TECPR2: variants seen among roughly 807,000 people sequenced by gnomAD.
The protein encoded by TECPR2 is tectonin beta-propeller repeat containing 2.
A neutral mutation model predicts 138.1 loss-of-function variants in TECPR2; 65 were observed. That is an observed-to-expected ratio of 0.47 (90% CI 0.39 to 0.58). The LOEUF is 0.58. Ranked by LOEUF, TECPR2 falls within the 20% of genes least tolerant of loss-of-function variation. TECPR2 has a pLI of 0.00. For synonymous variants in TECPR2, 746 were observed against 749.8 expected (o/e 0.99, Z 0.08); for missense variants, 1,553 against 1,824.5 (o/e 0.85, Z 2.71).
At chr14:102,494,117 C>T (rs1428322848) in intron 17 of TECPR2, among the ~76,000 whole-genome samples, 2 of 152,228 alleles carry the variant, frequency 1.3e-5, no homozygotes, top group African/African-American at 4.8e-5. Flanking sequence ...CCAGCCCACT[C>T]ACGAAGGCTT....
At chr14:102,379,695 GA>G (rs1887742915) in intron 2 of TECPR2, among the ~76,000 whole-genome samples, 1 of 132,030 alleles carries the variant, frequency 7.6e-6, no homozygotes, top group Non-Finnish European at 1.6e-5. Flanking sequence ...TCACACTGCT[GA>G]AGATCACCAT....
intron 11 of TECPR2, among the ~76,000 whole-genome samples, chr14:102,441,958 A>T (rs1025229167): frequency 2.6e-5 from 4 of 152,116 alleles, no homozygotes; most frequent in Non-Finnish European, 5.9e-5. Context: ...CAGGCGTTTA[A>T]TGTTGTTGAT....
At chr14:102,429,818 C>T (rs573577033) in intron 7 of TECPR2, among the ~76,000 whole-genome samples, 2 of 152,312 alleles carry the variant, frequency 1.3e-5, no homozygotes, top group Non-Finnish European at 2.9e-5. Flanking sequence ...CTCTGGACCT[C>T]TGCTGCCCAT....
chr14:102,390,737 A>T (rs1389811598), intron 2 of TECPR2, among the ~76,000 whole-genome samples: 1 of 152,090 alleles, frequency 6.6e-6, no homozygotes, highest in Non-Finnish European at 1.5e-5. Flanking sequence ...GTTTGATCAG[A>T]AATTGCACCA....
chr14:102,498,812 G>A lies in TECPR2; in HGVS notation c.*555G>A. On this transcript the variant is annotated 3_prime_UTR_variant, in exon 20 of 20. Coordinates refer to ENST00000359520, the MANE Select transcript of TECPR2 (RefSeq NM_014844.5). ...TGGCCAGGAAGCTGAGGCCGGGCTTGAGAGGAGAGCGCTGGCCATGCCAGG... is the reference window on the plus strand; with the variant it reads ...TGGCCAGGAAGCTGAGGCCGGGCTTAAGAGGAGAGCGCTGGCCATGCCAGG... 1 of 571,494 alleles carries A rather than the reference G, an allele frequency of 1.7e-6. No homozygotes were observed. Among genetic ancestry groups the A allele is most frequent in the Non-Finnish European group, 3.3e-6 (1 of 299,764 alleles). The allele number at this position is 571,494 out of a possible 1,614,324, so 35.4% of individuals were successfully genotyped here. A position where few individuals can be genotyped will look rare whatever the true frequency, so the allele number is the denominator to read the frequency against.
intron 5 of TECPR2, among the ~76,000 whole-genome samples, chr14:102,416,006 C>T (rs1363777721): frequency 2.6e-5 from 4 of 152,208 alleles, no homozygotes; most frequent in African/African-American, 7.2e-5. Context: ...CTGGGCTTTG[C>T]GGCAACACAC....
At chr14:102,482,503 G>A (rs964326901) in intron 17 of TECPR2, among the ~76,000 whole-genome samples, 17 of 152,290 alleles carry the variant, frequency 1.1e-4, no homozygotes, top group African/African-American at 3.1e-4. Context: ...GTCTGGCCTC[G>A]TTCCTCTCTC....
rs553631838 is a variant in TECPR2, at chr14:102,429,592, A to G, written c.1084+1210A>G. Among the ~76,000 whole-genome samples the G allele has an allele frequency of 1.6e-4, 25 of 152,336 alleles. No individual in the cohort carries two copies. The East Asian group carries it at 4.2e-3, about 26-fold the overall frequency. On this transcript the variant is annotated intron_variant, in intron 7 of 19. Coordinates refer to ENST00000359520, the MANE Select transcript of TECPR2 (RefSeq NM_014844.5). ...GGGGAACTTGTTCCTCATGGTGGCAACAACAGCCATGTGGACCCCATCACC... is the reference window on the plus strand; with the variant it reads ...GGGGAACTTGTTCCTCATGGTGGCAGCAACAGCCATGTGGACCCCATCACC...
chr14:102,490,398 C>T (rs1368399241), intron 17 of TECPR2, among the ~76,000 whole-genome samples: 2 of 152,224 alleles, frequency 1.3e-5, no homozygotes, highest in East Asian at 3.8e-4. Context: ...TGCCCAGAGC[C>T]CCAGCAGGCA....
chr14:102,372,090 TTC>T (rs969595110), intron 1 of TECPR2, among the ~76,000 whole-genome samples: 3 of 151,974 alleles, frequency 2.0e-5, no homozygotes, highest in African/African-American at 4.8e-5. Context: ...GCTCAAGCGA[TTC>T]TCTGTGTACC....
chr14:102,382,018 G>A (rs1312773169), intron 2 of TECPR2, among the ~76,000 whole-genome samples: 3 of 152,212 alleles, frequency 2.0e-5, no homozygotes, highest in Non-Finnish European at 2.9e-5. Context: ...TATAGGCCGG[G>A]CACGGTGGCT....
chr14:102,385,686 C>T lies in TECPR2; in HGVS notation c.219+8746C>T, dbSNP rs184138133. On this transcript the variant is annotated intron_variant, in intron 2 of 19. Coordinates refer to ENST00000359520, the MANE Select transcript of TECPR2 (RefSeq NM_014844.5). ...TAGTGGCACACACCTGTAATCCCAGCACTTTGGGAGGCCGAGGCGGACAGA... is the reference window on the plus strand; with the variant it reads ...TAGTGGCACACACCTGTAATCCCAGTACTTTGGGAGGCCGAGGCGGACAGA... Among the ~76,000 whole-genome samples, 89 of 152,286 alleles carry T rather than the reference C, an allele frequency of 5.8e-4. 2 individuals carry two copies. Among genetic ancestry groups the T allele is most frequent in the African/African-American group, 2.0e-3 (84 of 41,568 alleles).
Position 102,428,381 on chromosome 14 carries a change from A to C in TECPR2, c.1083A>C (p.Thr361=). 1 of 1,606,956 alleles carries C rather than the reference A, an allele frequency of 6.2e-7. No homozygotes were observed. The highest frequency in any genetic ancestry group is 8.5e-7 in the Non-Finnish European group (1 of 1,178,020). The part of the protein sequence containing the change: ...ISSRPEGLTS[T]VRDGLEMSGC... ...GCAGGCCTGAAGGATTAACATCAAC[A>C]GGTTTGTATTTATTATAAAATGTAC... Residue 361 remains threonine (T), a splice_region_variant and synonymous_variant, in exon 7 of 20, where the codon ACA becomes ACC. Coordinates refer to ENST00000359520, the MANE Select transcript of TECPR2 (RefSeq NM_014844.5).
rs1006953150 is a variant in TECPR2, at chr14:102,415,550, C to T, written c.638+757C>T. Among the ~76,000 whole-genome samples, 1 of 151,976 alleles carries T rather than the reference C, an allele frequency of 6.6e-6. No homozygotes were observed. The highest frequency in any genetic ancestry group is 2.4e-5 in the African/African-American group (1 of 41,348). On this transcript the variant is annotated intron_variant, in intron 5 of 19. Transcript: ENST00000359520. The surrounding 1 kb of genome is among the most constrained non-coding windows in gnomAD (Gnocchi z 4.3). ...AAAGCACTCTTGTAGGACTCTGCAG[C>T]GAGTTTGCGTGGGGATGGGGTGAGG...
intron 2 of TECPR2, among the ~76,000 whole-genome samples, chr14:102,392,429 C>CT (rs201660614): frequency 0.01 from 1,582 of 152,184 alleles, 30 homozygotes; most frequent in African/African-American, 0.036. Flanking sequence ...TAGTTCAATA[C>CT]TTTTTTTTCC....
chr14:102,499,257 T>C lies in TECPR2; in HGVS notation c.*1000T>C, dbSNP rs1297541655. 4.5e-6 allele frequency: 3 copies of C among 662,860 alleles called. No homozygotes were observed. Among genetic ancestry groups the C allele is most frequent in the South Asian group, 1.6e-5 (1 of 61,900 alleles). The allele number at this position is 662,860 out of a possible 1,614,324, so 41.1% of individuals were successfully genotyped here. ...TGTCTTTGGAATGGTGTTTAACTAATGCTGCTGGCGGACATCCTAAAACCA... is the reference window on the plus strand; with the variant it reads ...TGTCTTTGGAATGGTGTTTAACTAACGCTGCTGGCGGACATCCTAAAACCA... On this transcript the variant is annotated 3_prime_UTR_variant, in exon 20 of 20. Transcript: ENST00000359520.
intron 1 of TECPR2, among the ~76,000 whole-genome samples, chr14:102,364,361 C>A (rs894923898): frequency 3.3e-5 from 5 of 152,138 alleles, no homozygotes; most frequent in African/African-American, 1.2e-4. Flanking sequence ...GACTTACGTC[C>A]CATATTGGTG....
At position 102,478,454 on chromosome 14, in the gene TECPR2, G is replaced by A. The variant is rs540205901; in HGVS notation, c.3789+13165G>A. Among the ~76,000 whole-genome samples, 134 of 151,928 alleles carry A rather than the reference G, an allele frequency of 8.8e-4. 2 individuals are homozygous for A. Among genetic ancestry groups the A allele is most frequent in the African/African-American group, 3.1e-3 (130 of 41,496 alleles). On this transcript the variant is annotated intron_variant, in intron 17 of 19. Transcript: ENST00000359520. The stretch of plus-strand genomic sequence containing the variant: ...CCAGCACTTTGGGAGGTCGAGGCGG[G>A]TAGATTGCTTGAGCTCAGGAGTTCA...
chr14:102,397,813 T>TA (rs1888354381), intron 2 of TECPR2, among the ~76,000 whole-genome samples: 1 of 151,208 alleles, frequency 6.6e-6, no homozygotes. Flanking sequence ...TGTGGTGGCT[T>TA]ACGCCTGTAA....
Sources: gnomAD v4.1 joint callset for allele counts (sites outside exome capture counted in the v4.1 genomes callset) on GRCh38, gnomAD v4.1.1 for gene constraint, Gnocchi (gnomAD v3.1) non-coding constraint, MANE v1.5 for transcripts, NCBI Gene and HGNC (gene_info 2026-07-23, HGNC 2026-07-21) for gene names.